Variants in BAAT observed in about 807,000 individuals in gnomAD.
BAAT encodes the protein bile acid CoA: amino acid N-acyltransferase (glycine N-choloyltransferase).
A neutral mutation model predicts 18.9 loss-of-function variants in BAAT; 13 were observed. The observed-to-expected ratio is 0.69, with a 90% CI of 0.45 to 1.10. BAAT has a LOEUF of 1.10. Ranked by LOEUF, BAAT falls within the 50% of genes least tolerant of loss-of-function variation. The probability of loss-of-function intolerance (pLI) is 0.00; values close to 1 mark genes in which losing one functional copy is unlikely to be tolerated. For missense variants in BAAT, 489 were observed against 504.0 expected (o/e 0.97, Z 0.28); for synonymous variants, 170 against 190.7 (o/e 0.89, Z 0.89).
In BAAT at chr9:101,363,069, C is replaced by G. The variant is rs1268616669; in HGVS notation, c.670-54G>C. On this transcript the variant is annotated intron_variant, in intron 3 of 3. Transcript: ENST00000259407. The stretch of plus-strand genomic sequence containing the variant: ...ATTCTAGCCTTCATTTAGGAAAACT[C>G]CACAATCTCAAACAACCAAAGAACT... 5.2e-6 allele frequency: 8 copies of G among 1,530,528 alleles called. No homozygotes were observed. The African/African-American group carries it at 1.1e-4, about 21-fold the overall frequency. 94.8% of individuals were successfully genotyped at this position (1,530,528 alleles called of 1,614,324 possible).
At chr9:101,381,054 G>A (rs1830124457) in intron 1 of BAAT, among the ~76,000 whole-genome samples, 1 of 151,994 alleles carries the variant, frequency 6.6e-6, no homozygotes, top group South Asian at 2.1e-4. Context: ...ACCGCACCTG[G>A]CTGTGTGTGT....
intron 1 of BAAT, among the ~76,000 whole-genome samples, chr9:101,379,109 A>G (rs1397168253): frequency 6.6e-6 from 1 of 152,252 alleles, no homozygotes; most frequent in Non-Finnish European, 1.5e-5. Flanking sequence ...GTGGAGAAAT[A>G]GGAACAGTTG....
chr9:101,368,444 G>A (rs1201223321), intron 2 of BAAT, 122 bp from the exon 3 acceptor site: 2 of 931,556 alleles, frequency 2.1e-6, no homozygotes, highest in African/African-American at 1.7e-5. Flanking sequence ...ATAAATAAAA[G>A]ATAATAAAAA....
intron 1 of BAAT, chr9:101,376,284 T>C: frequency 5.0e-6 from 1 of 199,720 alleles, no homozygotes; most frequent in Non-Finnish European, 1.1e-5. Context: ...TAGGATTAAT[T>C]TCTTTGTGAA....
At chr9:101,368,366 GA>G in intron 2 of BAAT, 44 bp from the exon 3 acceptor site, 1 of 1,543,714 alleles carries the variant, frequency 6.5e-7, no homozygotes, top group South Asian at 1.2e-5. Flanking sequence ...AGAAGGTGTG[GA>G]AAAGATAAGA....
At chr9:101,382,010 C>T (rs934622497) in intron 1 of BAAT, among the ~76,000 whole-genome samples, 1 of 152,174 alleles carries the variant, frequency 6.6e-6, no homozygotes. Flanking sequence ...TAGTCACTGA[C>T]AGATAAGATG....
chr9:101,383,027 C>T (rs1830155875), intron 1 of BAAT, among the ~76,000 whole-genome samples: 1 of 151,972 alleles, frequency 6.6e-6, no homozygotes, highest in African/African-American at 2.4e-5. Flanking sequence ...AGAAAATTAC[C>T]CTTCAAACAA....
At chr9:101,380,972 G>A (rs1213379921) in intron 1 of BAAT, among the ~76,000 whole-genome samples, 1 of 151,500 alleles carries the variant, frequency 6.6e-6, no homozygotes, top group African/African-American at 2.4e-5. Flanking sequence ...GGTCAGGCTG[G>A]TCTCAAACTC....
chr9:101,371,543 A>G (rs1412397387), intron 1 of BAAT, 80 bp from the exon 2 acceptor site: 5 of 866,692 alleles, frequency 5.8e-6, no homozygotes, highest in Non-Finnish European at 9.3e-6. Context: ...CAGCAGTCAG[A>G]CCACTTAGGA....
At position 101,365,509 on chromosome 9, in the gene BAAT, T is replaced by A. The variant is rs575165108; in HGVS notation, c.670-2494A>T. Among the ~76,000 whole-genome samples the A allele has an allele frequency of 3.3e-5, 5 of 152,084 alleles. No individual in the cohort carries two copies. In the East Asian group the frequency reaches 5.8e-4, roughly 18 times the overall value. ...CAAGCTCTGAAATTCTGTATTTTTT[T>A]AATTTTAATTTTAATTTATTATTTT... On this transcript the variant is annotated intron_variant, in intron 3 of 3. Transcript: ENST00000259407.
intron 1 of BAAT, among the ~76,000 whole-genome samples, chr9:101,374,085 G>C (rs1397634979): frequency 6.6e-6 from 1 of 152,134 alleles, no homozygotes; most frequent in Non-Finnish European, 1.5e-5. Flanking sequence ...CAAAATGTCT[G>C]AAGGACTCCA....
intron 1 of BAAT, among the ~76,000 whole-genome samples, chr9:101,382,868 T>C (rs144460865): frequency 1.3e-5 from 2 of 152,192 alleles, no homozygotes; most frequent in African/African-American, 4.8e-5. Context: ...AGCTCAAACT[T>C]ATACTTGCTT....
intron 1 of BAAT, among the ~76,000 whole-genome samples, 42 bp downstream of exon 1, chr9:101,384,813 A>C (rs1387532356): frequency 6.6e-6 from 1 of 152,170 alleles, no homozygotes; most frequent in Non-Finnish European, 1.5e-5. Flanking sequence ...GTGAAAAATT[A>C]CATTAAAAGA....
intron 1 of BAAT, among the ~76,000 whole-genome samples, chr9:101,382,934 TA>T (rs1189526488): frequency 6.6e-6 from 1 of 152,180 alleles, no homozygotes; most frequent in Non-Finnish European, 1.5e-5. Flanking sequence ...CTGAATTGCA[TA>T]AATAGGTATA....
rs549134633 is a variant in BAAT, at chr9:101,365,119, G to T, written c.670-2104C>A. ...CAATTTGGTTGGGAATTCTAAGGAG[G>T]AGTTAAAGAAAATTGTTGTGTCACA... On this transcript the variant is annotated intron_variant, in intron 3 of 3. Coordinates refer to ENST00000259407, the MANE Select transcript of BAAT (RefSeq NM_001701.4). 3.3e-4 allele frequency among the ~76,000 whole-genome samples: 50 copies of T among 152,290 alleles called. 1 individual carries two copies. The highest frequency in any genetic ancestry group is 3.4e-3 in the Middle Eastern group (1 of 294).
rs751757079 is a variant in BAAT, at chr9:101,362,629, C to T, written c.1056G>A (p.Trp352Ter). The T allele has an allele frequency of 1.2e-6, 2 of 1,614,088 alleles. No homozygotes were observed. Among genetic ancestry groups the T allele is most frequent in the Admixed American group, 1.7e-5 (1 of 60,004 alleles). Residue 352 changes from tryptophan to a stop codon, truncating the protein, a stop_gained, in exon 4 of 4, where the codon TGG (tryptophan) becomes TGA (stop). Transcript: ENST00000259407. LOFTEE classifies it low-confidence loss of function (END_TRUNC). ...CTGCCCCAGGGTAAGATAGCAGGGT[C>T]CAGTTGTTCTTCCCATGTCTCTTCA... ...GQLKRHGKNN[W>*]TLLSYPGAGH... is the part of the protein sequence containing the mutation.
At chr9:101,368,018 C>T in intron 3 of BAAT, 102 bp downstream of exon 3, 1 of 1,291,904 alleles carries the variant, frequency 7.7e-7, no homozygotes. Flanking sequence ...TGCCACTGCA[C>T]TCCAGCCTGG....
chr9:101,375,815 C>G (rs970681690), intron 1 of BAAT: 1 of 152,386 alleles, frequency 6.6e-6, no homozygotes, highest in African/African-American at 2.4e-5. Flanking sequence ...GCGATTCCGG[C>G]TTTGCCGAAA....
At chr9:101,366,490 A>G (rs1225278626) in intron 3 of BAAT, among the ~76,000 whole-genome samples, 1 of 152,058 alleles carries the variant, frequency 6.6e-6, no homozygotes, top group African/African-American at 2.4e-5. Context: ...GAGTCTGGGG[A>G]AAAAAATCTG....
Sources: gnomAD v4.1 joint callset for allele counts (sites outside exome capture counted in the v4.1 genomes callset) on GRCh38, gnomAD v4.1.1 for gene constraint, MANE v1.5 for transcripts, NCBI Gene and HGNC (gene_info 2026-07-23, HGNC 2026-07-21) for gene names.